Variants in CTNND2 observed in about 807,000 individuals in gnomAD.
The protein encoded by CTNND2 is catenin delta-2.
Under a neutral mutation model 144.4 loss-of-function variants are expected in CTNND2, and 22 were observed. The ratio of observed to expected loss-of-function variants is 0.15; its 90% CI spans 0.11 to 0.22. CTNND2 has a LOEUF of 0.22. CTNND2 is among the 10% of genes least tolerant of loss of function. The pLI is 1.00. For synonymous variants in CTNND2, 751 were observed against 695.6 expected, an observed-to-expected ratio of 1.08 and a Z score of -1.25; for missense variants, 1,353 against 1,618.8, an observed-to-expected ratio of 0.84 and a Z score of 2.82.
intron 2 of CTNND2, among the ~76,000 whole-genome samples, chr5:11,645,320 C>T (rs547331316): frequency 1.3e-5 from 2 of 152,208 alleles, no homozygotes; most frequent in African/African-American, 4.8e-5. Flanking sequence ...CCCTCCCCCA[C>T]ATTTATTATA....
At chr5:11,761,712 G>A (rs910634565) in intron 1 of CTNND2, among the ~76,000 whole-genome samples, 3 of 151,814 alleles carry the variant, frequency 2.0e-5, no homozygotes, top group Non-Finnish European at 4.4e-5. Context: ...GTGAATACAG[G>A]AAACTCTGTT....
intron 16 of CTNND2, among the ~76,000 whole-genome samples, chr5:11,074,443 C>T (rs1050279722): frequency 2.6e-5 from 4 of 152,126 alleles, no homozygotes; most frequent in Admixed American, 2.6e-4. Context: ...GGAATGATGT[C>T]CTGAGTATCA....
intron 2 of CTNND2, among the ~76,000 whole-genome samples, chr5:11,698,296 T>A (rs540251211): frequency 0.021 from 3,118 of 151,740 alleles, 113 homozygotes; most frequent in African/African-American, 0.071. Flanking sequence ...TTATTTTTTT[T>A]TTTTTTTTTT....
At chr5:11,645,654 C>A (rs914586850) in intron 2 of CTNND2, among the ~76,000 whole-genome samples, 1 of 152,160 alleles carries the variant, frequency 6.6e-6, no homozygotes, top group African/African-American at 2.4e-5. Context: ...ATTAATAGCA[C>A]TTCCAGATAC....
At chr5:11,220,956 T>C (rs367836392) in intron 10 of CTNND2, among the ~76,000 whole-genome samples, 1 of 152,138 alleles carries the variant, frequency 6.6e-6, no homozygotes, top group South Asian at 2.1e-4. Flanking sequence ...AACAAAAGAG[T>C]TAATGCCAAC....
intron 11 of CTNND2, among the ~76,000 whole-genome samples, chr5:11,162,780 T>A (rs780488943): frequency 1.5e-4 from 23 of 150,824 alleles, no homozygotes; most frequent in Non-Finnish European, 2.8e-4. Context: ...TGAGACAGGT[T>A]TAAGCATAGA....
intron 2 of CTNND2, among the ~76,000 whole-genome samples, chr5:11,618,328 CTGCA>C (rs1230658487): frequency 6.6e-6 from 1 of 152,200 alleles, no homozygotes; most frequent in African/African-American, 2.4e-5. Flanking sequence ...GTTAAAGTTT[CTGCA>C]AAAATATGCG....
chr5:11,287,168 T>C (rs536214245), intron 9 of CTNND2, among the ~76,000 whole-genome samples: 52 of 152,242 alleles, frequency 3.4e-4, no homozygotes, highest in Non-Finnish European at 7.3e-4. Flanking sequence ...CAGTATTTGG[T>C]CAAACATTAT....
chr5:11,374,551 C>T (rs997313895), intron 7 of CTNND2, among the ~76,000 whole-genome samples: 3 of 152,054 alleles, frequency 2.0e-5, no homozygotes, highest in African/African-American at 7.2e-5. Flanking sequence ...TCATTAGTGA[C>T]TTACCAGAGT....
intron 1 of CTNND2, among the ~76,000 whole-genome samples, chr5:11,847,451 A>G (rs1351955012): frequency 1.3e-5 from 2 of 151,846 alleles, no homozygotes; most frequent in African/African-American, 4.8e-5. Flanking sequence ...AGAAGTAGAG[A>G]GTAGAATAGT....
chr5:11,764,225 C>T (rs1789446527), intron 1 of CTNND2, among the ~76,000 whole-genome samples: 1 of 152,134 alleles, frequency 6.6e-6, no homozygotes, highest in South Asian at 2.1e-4. Flanking sequence ...TCAGAGAAGG[C>T]AGGGAAATGG....
intron 1 of CTNND2, among the ~76,000 whole-genome samples, chr5:11,753,811 T>A (rs1429319794): frequency 6.6e-6 from 1 of 151,828 alleles, no homozygotes; most frequent in East Asian, 1.9e-4. Flanking sequence ...CAGCTTTTTC[T>A]GGTTCGCAGT....
At chr5:11,767,850 C>T (rs1236114929) in intron 1 of CTNND2, among the ~76,000 whole-genome samples, 1 of 152,098 alleles carries the variant, frequency 6.6e-6, no homozygotes, top group African/African-American at 2.4e-5. Context: ...GACCATTGTA[C>T]ATTATTTGGA....
At chr5:11,176,911 C>T (rs1297874396) in intron 11 of CTNND2, among the ~76,000 whole-genome samples, 1 of 152,150 alleles carries the variant, frequency 6.6e-6, no homozygotes, top group Admixed American at 6.5e-5. Flanking sequence ...TTGTCCCATC[C>T]TCCACAGATT....
In CTNND2 at chr5:11,660,213, C is replaced by G. The variant is rs1051590455; in HGVS notation, c.174+71923G>C. ...GGCAAGAAGCTGCTACCTGAGGTCA[C>G]AAGGCCATGAAAAAGGATGGGGGAA... On this transcript the variant is annotated intron_variant, in intron 2 of 21. Coordinates refer to ENST00000304623, the MANE Select transcript of CTNND2 (RefSeq NM_001332.4). Among the ~76,000 whole-genome samples, 3 of 151,946 alleles carry G rather than the reference C, an allele frequency of 2.0e-5. No individual in the cohort carries two copies. The East Asian group carries it at 5.8e-4, about 29-fold the overall frequency.
At chr5:11,309,703 A>G (rs923322171) in intron 9 of CTNND2, among the ~76,000 whole-genome samples, 1 of 152,148 alleles carries the variant, frequency 6.6e-6, no homozygotes, top group African/African-American at 2.4e-5. Flanking sequence ...TGTGAGAAGG[A>G]CATGAGATTT....
At chr5:11,837,866 T>C (rs941345704) in intron 1 of CTNND2, among the ~76,000 whole-genome samples, 4 of 152,164 alleles carry the variant, frequency 2.6e-5, no homozygotes, top group Admixed American at 2.0e-4. Context: ...CTCTAGGTCA[T>C]TTTTGGAGAA....
rs191624362 is a variant in CTNND2, at chr5:11,186,647, G to A, written c.1975+12801C>T. On this transcript the variant is annotated intron_variant, in intron 11 of 21. Coordinates refer to ENST00000304623, the MANE Select transcript of CTNND2 (RefSeq NM_001332.4). ...CACTGTAATTGTTGGTCCTGTTAAA[G>A]TAGAAAGTGGTGTTTCTCAAACATG... 6.3e-4 allele frequency among the ~76,000 whole-genome samples: 96 copies of A among 152,310 alleles called. 1 individual carries two copies. The highest frequency in any genetic ancestry group is 4.4e-3 in the Admixed American group (68 of 15,298).
At chr5:11,742,003 G>A (rs1159716273) in intron 1 of CTNND2, among the ~76,000 whole-genome samples, 1 of 151,728 alleles carries the variant, frequency 6.6e-6, no homozygotes, top group African/African-American at 2.4e-5. Flanking sequence ...TAAGCTATGA[G>A]GACACAAAGG....
Sources: gnomAD v4.1 joint callset for allele counts (sites outside exome capture counted in the v4.1 genomes callset) on GRCh38, gnomAD v4.1.1 for gene constraint, MANE v1.5 for transcripts, NCBI Gene and HGNC (gene_info 2026-07-23, HGNC 2026-07-21) for gene names.